MYO5B: variants seen among roughly 807,000 people sequenced by gnomAD.
MYO5B encodes the protein myosin VB.
MYO5B carries 143 observed loss-of-function variants against 229.3 expected under a neutral mutation model. That is an observed-to-expected ratio of 0.62 (90% CI 0.54 to 0.72). The LOEUF (loss-of-function observed/expected upper bound fraction) is 0.72. Among genes scored for constraint, MYO5B ranks in the 30% least tolerant of loss-of-function variants. The pLI, the probability that MYO5B is intolerant of heterozygous loss-of-function variation, is 0.00. For missense variants in MYO5B, 2,321 were observed against 2,331.0 expected (o/e 1.00, Z 0.09); for synonymous variants, 918 against 885.2 (o/e 1.04, Z -0.66).
chr18:50,084,998 G>A (rs2031300709), intron 1 of MYO5B, among the ~76,000 whole-genome samples: 1 of 152,086 alleles, frequency 6.6e-6, no homozygotes, highest in African/African-American at 2.4e-5. Context: ...CAGGACATAG[G>A]CACGGGCAAG....
intron 1 of MYO5B, among the ~76,000 whole-genome samples, chr18:50,088,986 G>A (rs1474379403): frequency 6.9e-6 from 1 of 145,602 alleles, no homozygotes; most frequent in South Asian, 2.1e-4. Context: ...TCCCTAAAAT[G>A]CTCATTTTTC....
At chr18:49,953,198 C>T in intron 14 of MYO5B, 62 bp downstream of exon 14, 4 of 1,501,608 alleles carry the variant, frequency 2.7e-6, no homozygotes, top group Non-Finnish European at 2.8e-6. Context: ...TGCATCACCA[C>T]TCCCTGTCCA....
chr18:49,924,768 G>T (rs2025111127), intron 17 of MYO5B, among the ~76,000 whole-genome samples: 1 of 152,182 alleles, frequency 6.6e-6, no homozygotes, highest in Non-Finnish European at 1.5e-5. Flanking sequence ...AACCAGGCTG[G>T]TAATCTTAAC....
intron 22 of MYO5B, among the ~76,000 whole-genome samples, chr18:49,892,244 C>T (rs1316463127): frequency 6.6e-6 from 1 of 152,190 alleles, no homozygotes; most frequent in African/African-American, 2.4e-5. Context: ...TGTGGACTAC[C>T]CCGTGGAAGC....
At chr18:49,956,726 T>C (rs1205512907) in intron 12 of MYO5B, among the ~76,000 whole-genome samples, 1 of 152,190 alleles carries the variant, frequency 6.6e-6, no homozygotes, top group Non-Finnish European at 1.5e-5. Context: ...GAGAGACCAC[T>C]GAGCCAGGAG....
chr18:49,984,784 T>C lies in MYO5B; in HGVS notation c.880A>G (p.Thr294Ala). The C allele has an allele frequency of 6.2e-7, 1 of 1,613,900 alleles. No individual in the cohort carries two copies. The highest frequency in any genetic ancestry group is 8.5e-7 in the Non-Finnish European group (1 of 1,179,808). Residue 294 changes from threonine to alanine, a missense_variant, in exon 8 of 40, where the codon ACT becomes GCT. This residue lies in a region of MYO5B where 2,113 missense variants were observed against 2,044.7 expected (regional missense o/e 1.03). Transcript: ENST00000285039. ...GCATCGTCCACACCCTCGATGGAAG[T>C]GTCTCCTCCCTGTGATGTATAGAAA... is the stretch of plus-strand genomic sequence containing the variant. ...DFFYTSQGGD[T>A]SIEGVDDAED...
intron 27 of MYO5B, among the ~76,000 whole-genome samples, chr18:49,868,365 T>G (rs1197245498): frequency 6.6e-6 from 1 of 152,232 alleles, no homozygotes. Flanking sequence ...TCTTTTCTGA[T>G]GCACGTTCAA....
At chr18:49,874,216 TG>T (rs764298707) in intron 26 of MYO5B, among the ~76,000 whole-genome samples, 5 of 152,244 alleles carry the variant, frequency 3.3e-5, no homozygotes, top group Non-Finnish European at 5.9e-5. Flanking sequence ...TATTGTTCAG[TG>T]GTTATTTTGG....
intron 1 of MYO5B, among the ~76,000 whole-genome samples, chr18:50,183,565 G>A (rs1172943666): frequency 3.9e-5 from 6 of 151,984 alleles, no homozygotes; most frequent in Non-Finnish European, 7.4e-5. Context: ...ACTGGAGGAT[G>A]TTAAGTGAGA....
chr18:49,984,930 AT>A, intron 7 of MYO5B, 105 bp from the exon 8 acceptor site: 1 of 814,652 alleles, frequency 1.2e-6, no homozygotes, highest in South Asian at 1.4e-5. Flanking sequence ...CCCAGACTAA[AT>A]TTTAGGCCCA....
intron 4 of MYO5B, among the ~76,000 whole-genome samples, chr18:50,015,247 C>T (rs766660270): frequency 1.9e-4 from 29 of 152,206 alleles, no homozygotes; most frequent in Non-Finnish European, 3.7e-4. Flanking sequence ...GGAAATGAAC[C>T]CCTCTGACCT....
rs367710844 is a variant in MYO5B at position 49,837,637 on chromosome 18, A to G, written c.5018T>C (p.Leu1673Ser). The change falls in exon 37 of 40, where the codon TTG becomes TCG. Residue 1673 changes from leucine to serine, a missense_variant. Coordinates refer to ENST00000285039, the MANE Select transcript of MYO5B (RefSeq NM_001080467.3). ...TACCTGCAGGATGATCTCAGGGTCC[A>G]AGCCCTGGTCACACATGACTGTATG... The part of the protein sequence containing the change: ...AFHTVMCDQG[L>S]DPEIILQVFK... 44 of 1,613,888 alleles carry G rather than the reference A, an allele frequency of 2.7e-5. No individual in the cohort carries two copies. In the South Asian group the frequency reaches 4.6e-4, roughly 17 times the overall value.
At chr18:50,105,381 C>T (rs752990269) in intron 1 of MYO5B, among the ~76,000 whole-genome samples, 32 of 152,196 alleles carry the variant, frequency 2.1e-4, no homozygotes, top group South Asian at 1.7e-3. Flanking sequence ...CATCTGGAGT[C>T]TTAAACAATT....
chr18:50,148,086 G>T (rs1177560471), intron 1 of MYO5B, among the ~76,000 whole-genome samples: 3 of 149,932 alleles, frequency 2.0e-5, no homozygotes, highest in African/African-American at 7.4e-5. Flanking sequence ...AAATCTAGAA[G>T]AAATGGATAC....
chr18:49,837,991 A>T (rs2024011164), intron 36 of MYO5B, among the ~76,000 whole-genome samples, 189 bp from the exon 37 acceptor site: 1 of 152,242 alleles, frequency 6.6e-6, no homozygotes, highest in South Asian at 2.1e-4. Flanking sequence ...ATGGAATAAA[A>T]CAGCTGTGGA....
chr18:49,963,289 G>A (rs929778895), intron 10 of MYO5B, among the ~76,000 whole-genome samples: 1 of 151,882 alleles, frequency 6.6e-6, no homozygotes, highest in African/African-American at 2.4e-5. Context: ...AAGAAAGTCA[G>A]CAATGATTCT....
intron 1 of MYO5B, among the ~76,000 whole-genome samples, chr18:50,099,688 A>G (rs1465472600): frequency 6.6e-6 from 1 of 152,204 alleles, no homozygotes; most frequent in Non-Finnish European, 1.5e-5. Flanking sequence ...GCTGCTTTTA[A>G]GTGGTGGGGA....
chr18:50,064,303 T>C (rs753774511), intron 1 of MYO5B: 2 of 152,394 alleles, frequency 1.3e-5, no homozygotes, highest in Non-Finnish European at 2.9e-5. Context: ...TAAGTCAGCT[T>C]TTTAAGGCTG....
chr18:49,982,458 A>C lies in MYO5B; in HGVS notation c.947-1905T>G, dbSNP rs150983018. On this transcript the variant is annotated intron_variant, in intron 8 of 39. Coordinates refer to ENST00000285039, the MANE Select transcript of MYO5B (RefSeq NM_001080467.3). Reference sequence around the variant, plus strand: ...AGTGGTAGACACAGAATGAATACTGAATCCTAACAATAGTTAGGATCCTCG... The same window carrying C: ...AGTGGTAGACACAGAATGAATACTGCATCCTAACAATAGTTAGGATCCTCG... Among the ~76,000 whole-genome samples the C allele has an allele frequency of 2.8e-3, 429 of 152,324 alleles. 1 individual carries two copies. Among genetic ancestry groups the C allele is most frequent in the Non-Finnish European group, 4.2e-3 (284 of 68,046 alleles).
Sources: allele counts gnomAD v4.1 joint callset (sites outside exome capture counted in the v4.1 genomes callset), GRCh38; gene constraint gnomAD v4.1.1; regional missense constraint gnomAD v4.1.1; transcripts MANE v1.5; gene names NCBI Gene and HGNC (gene_info 2026-07-23, HGNC 2026-07-21).